Variants in IKZF2 observed in about 807,000 individuals in gnomAD.
IKZF2 encodes the protein zinc finger protein Helios.
A neutral mutation model predicts 49.2 loss-of-function variants in IKZF2; 15 were observed. The ratio of observed to expected loss-of-function variants is 0.30; its 90% CI spans 0.20 to 0.47. The LOEUF (loss-of-function observed/expected upper bound fraction) is 0.47. Ranked by LOEUF, IKZF2 falls within the 20% of genes least tolerant of loss-of-function variation. The pLI is 1.00. For missense variants in IKZF2, 567 were observed against 664.6 expected, an observed-to-expected ratio of 0.85 and a Z score of 1.61; for synonymous variants, 227 against 221.4, an observed-to-expected ratio of 1.03 and a Z score of -0.23.
At chr2:213,149,576 T>C (rs565073327) in intron 2 of IKZF2, among the ~76,000 whole-genome samples, 87 of 152,290 alleles carry the variant, frequency 5.7e-4, no homozygotes, top group Admixed American at 5.7e-3. Flanking sequence ...TTGGTCCTTT[T>C]TGCCTTTAGT....
intron 6 of IKZF2, among the ~76,000 whole-genome samples, chr2:213,028,765 G>A (rs1698090534): frequency 6.6e-6 from 1 of 152,010 alleles, no homozygotes; most frequent in Admixed American, 6.5e-5. Context: ...CAATAGCCAA[G>A]ATATGGCATC....
chr2:213,101,552 C>CAA (rs68024878), intron 4 of IKZF2, among the ~76,000 whole-genome samples: 8,968 of 150,294 alleles, frequency 0.06, 877 homozygotes, highest in African/African-American at 0.2. Flanking sequence ...TCTGAGATTA[C>CAA]AAAAAAAAAA....
chr2:213,049,905 A>T (rs1225995034), intron 5 of IKZF2, 25 bp from the exon 6 acceptor site: 1 of 1,508,022 alleles, frequency 6.6e-7, no homozygotes, highest in Non-Finnish European at 9.0e-7. Flanking sequence ...AGAAATGGGA[A>T]GTATCAACTA....
chr2:213,046,844 T>C (rs1700196375), intron 6 of IKZF2, among the ~76,000 whole-genome samples: 1 of 152,096 alleles, frequency 6.6e-6, no homozygotes, highest in Non-Finnish European at 1.5e-5. Flanking sequence ...TTACCAGGCT[T>C]ACCTGGTACT....
At chr2:213,063,716 A>G (rs1327010693) in intron 4 of IKZF2, among the ~76,000 whole-genome samples, 1 of 151,998 alleles carries the variant, frequency 6.6e-6, no homozygotes, top group Non-Finnish European at 1.5e-5. Flanking sequence ...GAAAGGATAC[A>G]AGTTAGTAAA....
At chr2:213,045,868 C>A (rs1700102069) in intron 6 of IKZF2, among the ~76,000 whole-genome samples, 1 of 152,190 alleles carries the variant, frequency 6.6e-6, no homozygotes, top group South Asian at 2.1e-4. Flanking sequence ...AGGTAATCCA[C>A]AGGCTGTCCA....
intron 6 of IKZF2, among the ~76,000 whole-genome samples, chr2:213,025,316 A>C (rs1697699993): frequency 1.3e-5 from 2 of 152,164 alleles, no homozygotes; most frequent in African/African-American, 4.8e-5. Flanking sequence ...AAACATCCAC[A>C]TCAGGTCAAG....
At chr2:213,150,707 G>A (rs375199857) in intron 1 of IKZF2, among the ~76,000 whole-genome samples, 7 of 137,414 alleles carry the variant, frequency 5.1e-5, no homozygotes, top group African/African-American at 1.6e-4. Flanking sequence ...AGAAAAGGGG[G>A]GGGGGGCGGG....
intron 4 of IKZF2, among the ~76,000 whole-genome samples, chr2:213,092,549 C>T (rs980096266): frequency 1.3e-5 from 2 of 151,994 alleles, no homozygotes; most frequent in Non-Finnish European, 2.9e-5. Context: ...AATGTTAGTC[C>T]CCCCTGTGAT....
At chr2:213,027,160 G>A (rs931595070) in intron 6 of IKZF2, among the ~76,000 whole-genome samples, 1 of 152,018 alleles carries the variant, frequency 6.6e-6, no homozygotes, top group African/African-American at 2.4e-5. Flanking sequence ...CAGGTTTAGA[G>A]ATAATCTATT....
intron 6 of IKZF2, among the ~76,000 whole-genome samples, chr2:213,029,151 G>A (rs985442412): frequency 6.6e-6 from 1 of 151,902 alleles, no homozygotes; most frequent in African/African-American, 2.4e-5. Flanking sequence ...CTTTGATTTT[G>A]GTGTCAGAGT....
At chr2:213,086,864 ATGG>A (rs1411547124) in intron 4 of IKZF2, among the ~76,000 whole-genome samples, 24 of 152,142 alleles carry the variant, frequency 1.6e-4, no homozygotes, top group Non-Finnish European at 2.6e-4. Context: ...TGCTGATGGA[ATGG>A]AATCTAACGT....
At chr2:213,067,058 G>C (rs1702229860) in intron 4 of IKZF2, among the ~76,000 whole-genome samples, 2 of 152,084 alleles carry the variant, frequency 1.3e-5, no homozygotes, top group African/African-American at 4.8e-5. Flanking sequence ...GCACCCTGGA[G>C]TTTAAGGCCA....
At chr2:213,107,295 T>G (rs889635539) in intron 4 of IKZF2, among the ~76,000 whole-genome samples, 2 of 152,220 alleles carry the variant, frequency 1.3e-5, no homozygotes, top group African/African-American at 2.4e-5. Context: ...ATTATATATT[T>G]CTTGGGCAAG....
At chr2:213,037,578 T>C (rs1204131993) in intron 6 of IKZF2, among the ~76,000 whole-genome samples, 1 of 152,116 alleles carries the variant, frequency 6.6e-6, no homozygotes, top group Non-Finnish European at 1.5e-5. Context: ...TTTCAATGAG[T>C]AGGACCTCAA....
At chr2:213,031,234 G>A (rs990945719) in intron 6 of IKZF2, among the ~76,000 whole-genome samples, 1 of 152,120 alleles carries the variant, frequency 6.6e-6, no homozygotes, top group Non-Finnish European at 1.5e-5. Context: ...CCATGTCCAC[G>A]TTCTAGGTGC....
At chr2:213,141,847 A>G (rs2060886769) in intron 4 of IKZF2, among the ~76,000 whole-genome samples, 1 of 151,988 alleles carries the variant, frequency 6.6e-6, no homozygotes. Context: ...TATCCCACAA[A>G]TATTTATTGA....
chr2:213,116,095 GA>G (rs2059861507), intron 4 of IKZF2, among the ~76,000 whole-genome samples: 1 of 151,980 alleles, frequency 6.6e-6, no homozygotes, highest in Non-Finnish European at 1.5e-5. Flanking sequence ...ACTATTTTTA[GA>G]AAAACAAAAA....
At chr2:213,032,705 T>C (rs563763230) in intron 6 of IKZF2, among the ~76,000 whole-genome samples, 41 of 152,324 alleles carry the variant, frequency 2.7e-4, no homozygotes, top group Non-Finnish European at 4.1e-4. Context: ...CAGTTGTGAT[T>C]GCACCACTGC....
Sources: gnomAD v4.1 joint callset for allele counts (sites outside exome capture counted in the v4.1 genomes callset) on GRCh38, gnomAD v4.1.1 for gene constraint, MANE v1.5 for transcripts, NCBI Gene and HGNC (gene_info 2026-07-23, HGNC 2026-07-21) for gene names.